BTD: variants seen among roughly 807,000 people sequenced by gnomAD.
BTD encodes biotinidase, also known as biocytinase.
A neutral mutation model predicts 17.7 loss-of-function variants in BTD; 13 were observed. That is an observed-to-expected ratio of 0.74 (90% confidence interval 0.48 to 1.17). The LOEUF is 1.17. BTD is among the 50% of genes most tolerant of loss of function. BTD has a pLI of 0.00. For missense variants in BTD, 674 were observed against 650.4 expected (o/e 1.04, Z -0.39); for synonymous variants, 240 against 245.2 (o/e 0.98, Z 0.20).
intron 3 of BTD, among the ~76,000 whole-genome samples, chr3:15,695,017 T>C (rs751459330): frequency 2.0e-5 from 3 of 152,144 alleles, no homozygotes; most frequent in Non-Finnish European, 4.4e-5. Context: ...TGCTACTTAA[T>C]TGCCACCAAG....
At chr3:15,713,430 T>C, downstream of BTD, 3 of 916,594 alleles carry the variant, frequency 3.3e-6, no homozygotes, top group Non-Finnish European at 5.1e-6. Context: ...ACATTGAGGA[T>C]AAAATCCACA....
Position 15,616,782 on chromosome 3 carries a change from A to G in BTD, c.-17+14888A>G, listed in dbSNP as rs115827862. On this transcript the variant is annotated intron_variant, in intron 1 of 3. Coordinates refer to ENST00000643237, the MANE Select transcript of BTD (RefSeq NM_001370658.1). ...AACATCTTTTCATAAGTTTATTGCTATTTGTGTATCTTCCTTGGTGAGATG... is the reference window on the plus strand; with the variant it reads ...AACATCTTTTCATAAGTTTATTGCTGTTTGTGTATCTTCCTTGGTGAGATG... Among the ~76,000 whole-genome samples the G allele has an allele frequency of 4.5e-3, 684 of 152,124 alleles. 6 individuals carry two copies. Among genetic ancestry groups the G allele is most frequent in the South Asian group, 0.015 (72 of 4,818 alleles).
intron 3 of BTD, chr3:15,696,017 C>G: frequency 2.8e-6 from 2 of 713,938 alleles, no homozygotes; most frequent in Non-Finnish European, 4.8e-6. Flanking sequence ...TATATAAATT[C>G]TGAAAATGTT....
rs766217655 is a variant in BTD at position 15,635,419 on chromosome 3, T to C, written c.-16-5T>C. The C allele has an allele frequency of 1.1e-5, 17 of 1,614,124 alleles. No individual in the cohort carries two copies. Among genetic ancestry groups the C allele is most frequent in the African/African-American group, 1.3e-5 (1 of 74,946 alleles). ...CTGTTTTCCCCTTGCCCCATTACAT[T>C]CCAGATTTGTGGTCTGCATTATGTC... On this transcript the variant is annotated splice_polypyrimidine_tract_variant and splice_region_variant and intron_variant, in intron 1 of 3. Transcript: ENST00000643237. This position sits in a 1 kb window ranked among gnomAD's most constrained non-coding sequence, Gnocchi z 4.1.
chr3:15,701,612 C>T (rs1216887645), intron 3 of BTD, among the ~76,000 whole-genome samples: 2 of 150,848 alleles, frequency 1.3e-5, no homozygotes, highest in African/African-American at 5.0e-5. Context: ...CCATTGCACT[C>T]CAGCCTGGGC....
chr3:15,615,736 T>A (rs190147219), intron 1 of BTD, among the ~76,000 whole-genome samples: 126 of 152,356 alleles, frequency 8.3e-4, no homozygotes, highest in African/African-American at 2.8e-3. Context: ...ATGTTTGTTA[T>A]AATCAGTGAA....
chr3:15,657,825 GAA>G (rs369674664), downstream of BTD, among the ~76,000 whole-genome samples: 4,807 of 143,604 alleles, frequency 0.033, 250 homozygotes, highest in African/African-American at 0.11. Context: ...AAGCAACACT[GAA>G]AAAAAAAAAA....
At chr3:15,669,939 T>G (rs1013657487) in intron 3 of BTD, 1 of 196,950 alleles carries the variant, frequency 5.1e-6, no homozygotes, top group African/African-American at 2.3e-5. Flanking sequence ...TCTTTATTTC[T>G]TCTGTTACAA....
intron 3 of BTD, among the ~76,000 whole-genome samples, chr3:15,699,287 C>A (rs10428224): frequency 6.6e-6 from 1 of 152,090 alleles, no homozygotes; most frequent in South Asian, 2.1e-4. Flanking sequence ...CCATAAAAAA[C>A]CCTATTAGAA....
chr3:15,700,682 G>T (rs991842023), intron 3 of BTD, among the ~76,000 whole-genome samples: 102 of 152,286 alleles, frequency 6.7e-4, no homozygotes, highest in African/African-American at 2.4e-3. Flanking sequence ...GCTGAGGCAG[G>T]AGAATTGCTT....
chr3:15,669,490 C>T (rs1271031460), intron 3 of BTD: 2 of 152,114 alleles, frequency 1.3e-5, no homozygotes, highest in East Asian at 1.9e-4. Context: ...CAGCCTGACC[C>T]CAATCCATCT....
rs2065699114 is a variant in BTD at position 15,646,543 on chromosome 3, A to G, written c.*1055A>G. 6.6e-6 allele frequency: 1 copy of G among 152,192 alleles called. No homozygotes were observed. Among genetic ancestry groups the G allele is most frequent in the African/African-American group, 2.4e-5 (1 of 41,436 alleles). 9.4% of individuals were successfully genotyped at this position (152,192 alleles called of 1,614,324 possible). A position where few individuals can be genotyped will look rare whatever the true frequency, so the allele number is the denominator to read the frequency against. On this transcript the variant is annotated 3_prime_UTR_variant, in exon 4 of 4. Transcript: ENST00000643237. ...CCCATGTTAGGAATTCCAGATGCAA[A>G]ATTATCAGACTCAATATGGTGAAGA...
downstream of BTD, chr3:15,713,503 A>G: frequency 6.3e-7 from 1 of 1,585,320 alleles, no homozygotes; most frequent in Non-Finnish European, 8.6e-7. Flanking sequence ...TGTATCAGTT[A>G]TCAACACCTC....
Position 15,649,146 on chromosome 3 carries a change from T to C in BTD, c.*3658T>C, listed in dbSNP as rs1172462475. On this transcript the variant is annotated 3_prime_UTR_variant, in exon 4 of 4. Coordinates refer to ENST00000643237, the MANE Select transcript of BTD (RefSeq NM_001370658.1). The stretch of plus-strand genomic sequence containing the variant: ...CAAATACAGAGGATCACTTGCAAAA[T>C]GGCCCATTCACACAGCTGGCACGTT... Among the ~76,000 whole-genome samples the C allele has an allele frequency of 6.6e-6, 1 of 152,194 alleles. No individual in the cohort carries two copies. The highest frequency in any genetic ancestry group is 1.5e-5 in the Non-Finnish European group (1 of 68,034).
Position 15,602,938 on chromosome 3 carries a change from G to A in BTD, c.-17+1044G>A, listed in dbSNP as rs141615468. Among the ~76,000 whole-genome samples the A allele has an allele frequency of 8.6e-4, 131 of 152,270 alleles. 1 individual carries two copies. The East Asian group carries it at 0.024, about 27-fold the overall frequency. On this transcript the variant is annotated intron_variant, in intron 1 of 3. Transcript: ENST00000643237. ...TCTCACAGTTCCAAATGGCTACGGA[G>A]GCCTCACAATCATGGCAGAAGGTGA...
intron 2 of BTD, among the ~76,000 whole-genome samples, chr3:15,639,970 G>T (rs1230183809): frequency 6.6e-6 from 1 of 152,088 alleles, no homozygotes; most frequent in Non-Finnish European, 1.5e-5. Flanking sequence ...CAGGTGTGGT[G>T]GCGCATGTCT....
chr3:15,688,719 A>C (rs1325523698), intron 3 of BTD, among the ~76,000 whole-genome samples: 1 of 152,330 alleles, frequency 6.6e-6, no homozygotes, highest in East Asian at 1.9e-4. Context: ...ATAAAAATAG[A>C]GAGTTGTGAA....
rs924079631 is a variant in BTD at position 15,648,682 on chromosome 3, A to G, written c.*3194A>G. Among the ~76,000 whole-genome samples the G allele has an allele frequency of 6.6e-6, 1 of 152,220 alleles. No individual in the cohort carries two copies. Among genetic ancestry groups the G allele is most frequent in the African/African-American group, 2.4e-5 (1 of 41,458 alleles). On this transcript the variant is annotated 3_prime_UTR_variant, in exon 4 of 4. Coordinates refer to ENST00000643237, the MANE Select transcript of BTD (RefSeq NM_001370658.1). ...AAATTGCGTCTTCCCCAAAAAAGAT[A>G]CGTTGTAGTCCTAACCCCCAATAGC...
upstream of BTD, chr3:15,601,741 T>A (rs1198833301): frequency 6.3e-7 from 1 of 1,584,220 alleles, no homozygotes; most frequent in Non-Finnish European, 8.6e-7. Flanking sequence ...GAGGCGGGAC[T>A]AGCAGGAGAT....
Sources: allele counts gnomAD v4.1 joint callset (sites outside exome capture counted in the v4.1 genomes callset), GRCh38; gene constraint gnomAD v4.1.1; non-coding constraint Gnocchi (gnomAD v3.1); transcripts MANE v1.5; gene names NCBI Gene and HGNC (gene_info 2026-07-23, HGNC 2026-07-21).